The following CTNNA2 variants were observed in gnomAD, a reference collection of about 807,000 sequenced individuals.
The protein encoded by CTNNA2 is catenin alpha-2.
A neutral mutation model predicts 101.0 loss-of-function variants in CTNNA2; 42 were observed. That is an observed-to-expected ratio of 0.42 (90% CI 0.32 to 0.54). CTNNA2 has a LOEUF of 0.54. CTNNA2 is among the 20% of genes least tolerant of loss of function. The pLI, the probability that CTNNA2 is intolerant of heterozygous loss-of-function variation, is 0.14. For missense variants in CTNNA2, 871 were observed against 1,223.1 expected (o/e 0.71, Z 4.29); for synonymous variants, 450 against 456.4 (o/e 0.99, Z 0.18).
At chr2:80,158,871 A>G (rs1018343275) in intron 7 of CTNNA2, among the ~76,000 whole-genome samples, 1 of 151,798 alleles carries the variant, frequency 6.6e-6, no homozygotes, top group Admixed American at 6.6e-5. Flanking sequence ...AGATCGTGCC[A>G]CTGCACTCTA....
intron 2 of CTNNA2, among the ~76,000 whole-genome samples, chr2:79,710,063 C>T (rs182502421): frequency 1.4e-3 from 220 of 152,190 alleles, no homozygotes; most frequent in African/African-American, 5.0e-3. Context: ...ATACTTGTCC[C>T]TCTTGAATTC....
chr2:79,882,240 T>A (rs1358158548), intron 6 of CTNNA2, among the ~76,000 whole-genome samples: 1 of 152,172 alleles, frequency 6.6e-6, no homozygotes, highest in African/African-American at 2.4e-5. Flanking sequence ...CCCTTAACAT[T>A]TTTTCCTTCA....
chr2:79,948,258 A>G (rs1688637495), intron 7 of CTNNA2, among the ~76,000 whole-genome samples: 1 of 152,234 alleles, frequency 6.6e-6, no homozygotes, highest in African/African-American at 2.4e-5. Flanking sequence ...CTCACAGTAC[A>G]TCCATGGTTG....
Position 80,575,407 on chromosome 2 carries a change from C to A in CTNNA2, c.1893+1093C>A, listed in dbSNP as rs1694953686. ...TTTGGCACGGAGCCTAAATCTTTCT[C>A]TCTCTTTCTTTCTGGGTGTGTGTGC... On this transcript the variant is annotated intron_variant, in intron 13 of 18. Transcript: ENST00000402739. 2.0e-5 allele frequency: 3 copies of A among 152,054 alleles called. No homozygotes were observed. The South Asian group carries it at 6.2e-4, about 32-fold the overall frequency. The allele number at this position is 152,054 out of a possible 1,614,324, so 9.4% of individuals were successfully genotyped here.
chr2:79,661,068 T>C (rs1268578760), intron 2 of CTNNA2, among the ~76,000 whole-genome samples: 3 of 152,214 alleles, frequency 2.0e-5, no homozygotes, highest in Admixed American at 1.3e-4. Flanking sequence ...CTGTCTTTTG[T>C]GTTTGGTGAA....
chr2:79,195,873 A>G (rs758906918), intron 1 of CTNNA2: 2 of 505,668 alleles, frequency 4.0e-6, no homozygotes, highest in Admixed American at 4.0e-5. Context: ...TATAAAAGGT[A>G]AATAAGAAAT....
In CTNNA2 at chr2:80,294,191, A is replaced by G. The variant is rs533206025; in HGVS notation, c.1057-99020A>G. On this transcript the variant is annotated intron_variant, in intron 7 of 18. Coordinates refer to ENST00000402739, the MANE Select transcript of CTNNA2 (RefSeq NM_001282597.3). ...ACAATGACCTTGGGCAAGCTACTGA[A>G]CCTTTTCAGATTTGAGTCTTCTTGC... 3.3e-5 allele frequency among the ~76,000 whole-genome samples: 5 copies of G among 152,308 alleles called. No homozygotes were observed. In the South Asian group the frequency reaches 1.0e-3, roughly 32 times the overall value.
intron 7 of CTNNA2, among the ~76,000 whole-genome samples, chr2:80,102,392 A>C (rs1159122900): frequency 1.3e-5 from 2 of 152,188 alleles, no homozygotes; most frequent in Non-Finnish European, 1.5e-5. Flanking sequence ...CAATCTGGCC[A>C]ATGCTTCACC....
chr2:80,513,178 C>T (rs898103467), intron 9 of CTNNA2, among the ~76,000 whole-genome samples: 1 of 152,156 alleles, frequency 6.6e-6, no homozygotes, highest in Non-Finnish European at 1.5e-5. Context: ...GGGTCCTACA[C>T]ATTAATTCAT....
At chr2:80,121,607 C>T (rs866787384) in intron 7 of CTNNA2, among the ~76,000 whole-genome samples, 9 of 152,120 alleles carry the variant, frequency 5.9e-5, no homozygotes, top group Middle Eastern at 3.2e-3. Context: ...AGCTGATGTT[C>T]AGTGGAGTTT....
At chr2:79,447,025 A>C (rs954435539) in intron 4 of CTNNA2, among the ~76,000 whole-genome samples, 6 of 152,056 alleles carry the variant, frequency 3.9e-5, no homozygotes, top group Non-Finnish European at 7.4e-5. Context: ...GTACAGTTCC[A>C]AATAAAAGAA....
At chr2:80,096,929 C>G (rs772436916) in intron 7 of CTNNA2, among the ~76,000 whole-genome samples, 3 of 152,122 alleles carry the variant, frequency 2.0e-5, no homozygotes, top group Non-Finnish European at 4.4e-5. Context: ...CTCCTGAATA[C>G]AGCACACTGA....
At chr2:79,972,104 G>A (rs1195074266) in intron 7 of CTNNA2, among the ~76,000 whole-genome samples, 1 of 152,138 alleles carries the variant, frequency 6.6e-6, no homozygotes, top group Non-Finnish European at 1.5e-5. Flanking sequence ...CTCAGAGAGG[G>A]GACCATACAA....
At chr2:79,226,092 G>C (rs184628778) in intron 2 of CTNNA2, among the ~76,000 whole-genome samples, 191 of 152,192 alleles carry the variant, frequency 1.3e-3, no homozygotes, top group African/African-American at 4.2e-3. Context: ...ACCCTGGATA[G>C]CTCTCTACAC....
rs1702729297 is a variant in CTNNA2, at chr2:80,136,937, T to C, written c.1056+227140T>C. The stretch of plus-strand genomic sequence containing the variant: ...GCACACAACTGCTGCTGCATGAAGG[T>C]GGCCTCTTCATTGCCTCCCTCCGTA... On this transcript the variant is annotated intron_variant, in intron 7 of 18. Coordinates refer to ENST00000402739, the MANE Select transcript of CTNNA2 (RefSeq NM_001282597.3). 2.6e-5 allele frequency among the ~76,000 whole-genome samples: 4 copies of C among 152,262 alleles called. No homozygotes were observed. In the South Asian group the frequency reaches 8.3e-4, roughly 32 times the overall value.
chr2:80,360,628 A>G (rs1362756699), intron 7 of CTNNA2, among the ~76,000 whole-genome samples: 3 of 152,108 alleles, frequency 2.0e-5, no homozygotes, highest in African/African-American at 7.2e-5. Flanking sequence ...GTACTCTATG[A>G]TTAGTCCCTG....
chr2:79,468,938 A>T (rs1301688079), intron 4 of CTNNA2, among the ~76,000 whole-genome samples: 12 of 152,336 alleles, frequency 7.9e-5, no homozygotes, highest in African/African-American at 1.2e-4. Flanking sequence ...GAAAGATCTA[A>T]AATTGACACC....
chr2:79,933,571 C>T (rs148246772), intron 7 of CTNNA2, among the ~76,000 whole-genome samples: 1,717 of 152,026 alleles, frequency 0.011, 25 homozygotes, highest in African/African-American at 0.035. Flanking sequence ...TCTCCTGCCT[C>T]AGCCTCCCTA....
At chr2:80,358,788 T>C (rs1674098055) in intron 7 of CTNNA2, among the ~76,000 whole-genome samples, 3 of 152,158 alleles carry the variant, frequency 2.0e-5, no homozygotes, top group Admixed American at 2.0e-4. Context: ...ATGCACTTTC[T>C]AGTATATTGA....
Sources: allele counts gnomAD v4.1 joint callset (sites outside exome capture counted in the v4.1 genomes callset), GRCh38; gene constraint gnomAD v4.1.1; transcripts MANE v1.5; gene names NCBI Gene and HGNC (gene_info 2026-07-23, HGNC 2026-07-21).